The following FAM184B variants were observed in gnomAD, a reference collection of about 807,000 sequenced individuals.
FAM184B encodes the protein family with sequence similarity 184 member B.
In FAM184B, 111 loss-of-function variants were observed where a neutral mutation model predicts 135.9. The observed-to-expected ratio is 0.82, with a 90% confidence interval of 0.70 to 0.96. The LOEUF (loss-of-function observed/expected upper bound fraction) is 0.96. Among genes scored for constraint, FAM184B ranks in the 40% least tolerant of loss-of-function variants. FAM184B has a pLI of 0.00. For synonymous variants in FAM184B, 552 were observed against 524.8 expected (o/e 1.05, Z -0.71); for missense variants, 1,375 against 1,323.9 (o/e 1.04, Z -0.60).
intron 6 of FAM184B, among the ~76,000 whole-genome samples, chr4:17,689,108 C>A (rs1485097076): frequency 2.0e-5 from 3 of 152,038 alleles, no homozygotes; most frequent in African/African-American, 7.2e-5. Context: ...TTTCTATACT[C>A]GATCTGTAGG....
intron 1 of FAM184B, among the ~76,000 whole-genome samples, chr4:17,780,236 G>A (rs929689232): frequency 1.3e-5 from 2 of 152,176 alleles, no homozygotes; most frequent in Non-Finnish European, 2.9e-5. Context: ...GAGATGGTGA[G>A]GAAAGAGAGC....
intron 1 of FAM184B, among the ~76,000 whole-genome samples, chr4:17,717,454 C>T (rs1717420777): frequency 6.6e-6 from 1 of 152,152 alleles, no homozygotes; most frequent in African/African-American, 2.4e-5. Context: ...TGCTTGCTTG[C>T]TTTCACTCAC....
intron 10 of FAM184B, among the ~76,000 whole-genome samples, chr4:17,654,523 T>G (rs1715737514): frequency 1.3e-5 from 2 of 152,164 alleles, no homozygotes; most frequent in East Asian, 1.9e-4. Flanking sequence ...AGCAGGAAAC[T>G]GGGGCTAGAA....
chr4:17,751,823 G>GCTCACA, intron 1 of FAM184B, among the ~76,000 whole-genome samples: 1 of 115,900 alleles, frequency 8.6e-6, no homozygotes, highest in African/African-American at 3.2e-5. Context: ...TAAAAACAAG[G>GCTCACA]CACACACACA....
intron 1 of FAM184B, among the ~76,000 whole-genome samples, chr4:17,725,070 C>G (rs1401064879): frequency 6.6e-6 from 1 of 152,148 alleles, no homozygotes; most frequent in Non-Finnish European, 1.5e-5. Context: ...AGCCTGCTGG[C>G]TTTGTGAGGC....
chr4:17,764,231 G>T (rs1232332711), intron 1 of FAM184B, among the ~76,000 whole-genome samples: 1 of 152,114 alleles, frequency 6.6e-6, no homozygotes, highest in African/African-American at 2.4e-5. Flanking sequence ...TTACTGCCTG[G>T]AACAATTCAG....
chr4:17,658,940 C>T (rs1319867586), intron 9 of FAM184B, among the ~76,000 whole-genome samples: 1 of 152,118 alleles, frequency 6.6e-6, no homozygotes, highest in Admixed American at 6.5e-5. Context: ...CCACATCCCC[C>T]ATCACAGGAC....
Position 17,652,999 on chromosome 4 carries a change from G to A in FAM184B, c.2038-16C>T, listed in dbSNP as rs1394660746. The A allele has an allele frequency of 1.3e-6, 2 of 1,551,130 alleles. No homozygotes were observed. Among genetic ancestry groups the A allele is most frequent in the Admixed American group, 3.9e-5 (2 of 50,978 alleles). ...CCTCTGTGGCCTGTGGGAAAAAGTG[G>A]GAACAAGAAGGCATGAAAGTGGGCA... On this transcript the variant is annotated splice_polypyrimidine_tract_variant and intron_variant, in intron 10 of 17. Transcript: ENST00000265018.
At chr4:17,728,324 C>T (rs1717690330) in intron 1 of FAM184B, among the ~76,000 whole-genome samples, 1 of 152,046 alleles carries the variant, frequency 6.6e-6, no homozygotes, top group Admixed American at 6.6e-5. Flanking sequence ...GAGGTTGAGG[C>T]TGCAGTGAGC....
chr4:17,715,022 C>T (rs1038370589), intron 1 of FAM184B, among the ~76,000 whole-genome samples: 6 of 152,148 alleles, frequency 3.9e-5, no homozygotes, highest in African/African-American at 1.2e-4. Context: ...ACTTATATAT[C>T]CTTTCAGGGA....
At chr4:17,721,803 T>A (rs1365159458) in intron 1 of FAM184B, among the ~76,000 whole-genome samples, 1 of 152,156 alleles carries the variant, frequency 6.6e-6, no homozygotes, top group Non-Finnish European at 1.5e-5. Context: ...TCCCGAGATA[T>A]GCATTTTTAA....
At chr4:17,700,155 T>C (rs1716952660) in intron 5 of FAM184B, among the ~76,000 whole-genome samples, 2 of 152,218 alleles carry the variant, frequency 1.3e-5, no homozygotes, top group South Asian at 2.1e-4. Context: ...GGGGAACAGA[T>C]GTGACAAGTA....
At position 17,632,202 on chromosome 4, in the gene FAM184B, G is replaced by C. The variant is rs1714974871; in HGVS notation, c.*330C>G. ...TGATCCTCCCGCCTCAGTCCCCCAA[G>C]TACCTGGGACCACAGGCACACGCCA... On this transcript the variant is annotated 3_prime_UTR_variant, in exon 18 of 18. Transcript: ENST00000265018. The C allele has an allele frequency of 6.2e-6, 1 of 160,768 alleles. No individual in the cohort carries two copies. The highest frequency in any genetic ancestry group is 6.2e-5 in the Admixed American group (1 of 16,194). The allele number at this position is 160,768 out of a possible 1,614,324, so 10.0% of individuals were successfully genotyped here.
At chr4:17,750,601 C>G (rs1175538581) in intron 1 of FAM184B, among the ~76,000 whole-genome samples, 1 of 152,090 alleles carries the variant, frequency 6.6e-6, no homozygotes, top group Non-Finnish European at 1.5e-5. Context: ...CAGAAGCTCC[C>G]CTAGGTTGTG....
chr4:17,778,990 T>G (rs1178193126), intron 1 of FAM184B, among the ~76,000 whole-genome samples: 1 of 152,100 alleles, frequency 6.6e-6, no homozygotes, highest in African/African-American at 2.4e-5. Flanking sequence ...CTAACTTTGT[T>G]AGCAAAAAAA....
Position 17,709,558 on chromosome 4 carries a change from A to G in FAM184B, c.228T>C (p.Asn76=), listed in dbSNP as rs1047385001. The G allele has an allele frequency of 6.4e-7, 1 of 1,550,534 alleles. No homozygotes were observed. Among genetic ancestry groups the G allele is most frequent in the South Asian group, 1.2e-5 (1 of 83,988 alleles). ...LREAHQEELQ[N]AVAETKARLL... is the part of the protein sequence containing the mutation. ...GCCTGGCCTTGGTCTCTGCCACCGC[A>G]TTCTGGAGCTCCTCCTGGTGCGCTT... The change falls in exon 2 of 18, where the codon AAT becomes AAC. Residue 76 remains asparagine (N), a synonymous_variant. Coordinates refer to ENST00000265018, the MANE Select transcript of FAM184B (RefSeq NM_015688.2).
intron 7 of FAM184B, among the ~76,000 whole-genome samples, chr4:17,675,597 G>A (rs1379205098): frequency 6.6e-6 from 1 of 152,174 alleles, no homozygotes; most frequent in Non-Finnish European, 1.5e-5. Flanking sequence ...TTACTCTCTA[G>A]CTGTGAAAGT....
intron 1 of FAM184B, among the ~76,000 whole-genome samples, chr4:17,733,927 A>G: frequency 6.6e-6 from 1 of 152,210 alleles, no homozygotes; most frequent in Non-Finnish European, 1.5e-5. Context: ...GACTTACCAA[A>G]CTATACTACA....
intron 1 of FAM184B, among the ~76,000 whole-genome samples, chr4:17,717,922 G>C (rs529674583): frequency 6.6e-6 from 1 of 152,298 alleles, no homozygotes; most frequent in East Asian, 1.9e-4. Flanking sequence ...ATCGCAACAA[G>C]TAATGGGGAA....
Sources: gnomAD v4.1 joint callset for allele counts (sites outside exome capture counted in the v4.1 genomes callset) on GRCh38, gnomAD v4.1.1 for gene constraint, MANE v1.5 for transcripts, NCBI Gene and HGNC (gene_info 2026-07-23, HGNC 2026-07-21) for gene names.